UTRN: variants seen among roughly 807,000 people sequenced by gnomAD.
UTRN encodes utrophin.
A neutral mutation model predicts 463.9 loss-of-function variants in UTRN; 283 were observed. The ratio of observed to expected loss-of-function variants is 0.61; its 90% CI spans 0.55 to 0.67. The LOEUF (loss-of-function observed/expected upper bound fraction) is 0.67, where lower values mean the gene tolerates loss of function less well. Among genes scored for constraint, UTRN ranks in the 30% least tolerant of loss-of-function variants. UTRN has a pLI of 0.00. For missense variants in UTRN, 3,922 were observed against 4,084.3 expected (o/e 0.96, Z 1.08); for synonymous variants, 1,442 against 1,431.5 (o/e 1.01, Z -0.17).
At chr6:144,547,238 T>C (rs534216677) in intron 46 of UTRN, among the ~76,000 whole-genome samples, 6 of 152,256 alleles carry the variant, frequency 3.9e-5, no homozygotes, top group Non-Finnish European at 8.8e-5. Context: ...TGTCTTTAGA[T>C]GATTTTTTAA....
intron 60 of UTRN, among the ~76,000 whole-genome samples, chr6:144,781,543 G>A (rs1288865318): frequency 6.6e-6 from 1 of 152,158 alleles, no homozygotes; most frequent in Non-Finnish European, 1.5e-5. Context: ...AAGATGAGGA[G>A]AGCAGTGTAA....
Position 144,488,826 on chromosome 6 carries a change from G to A in UTRN, c.4126G>A (p.Glu1376Lys). ...GATAGATGCTTTCCAAGTTCCACAGGAAGCTCAGGTATTGCCGTGCATTTG... is the reference window on the plus strand; with the variant it reads ...GATAGATGCTTTCCAAGTTCCACAGAAAGCTCAGGTATTGCCGTGCATTTG... ...DRIDAFQVPQEAQKIQAEISA... is the reference protein window; with the variant it reads ...DRIDAFQVPQKAQKIQAEISA... The change falls in exon 30 of 75, where the codon GAA becomes AAA. Residue 1376 changes from glutamate (E) to lysine (K), a missense_variant. Transcript: ENST00000367545. 1 of 1,594,694 alleles carries A rather than the reference G, an allele frequency of 6.3e-7. No individual in the cohort carries two copies.
chr6:144,391,587 G>A (rs1298104507), intron 2 of UTRN, among the ~76,000 whole-genome samples: 1 of 152,092 alleles, frequency 6.6e-6, no homozygotes, highest in Non-Finnish European at 1.5e-5. Flanking sequence ...TCGCAAGTAG[G>A]CTCGAAAAAC....
intron 2 of UTRN, among the ~76,000 whole-genome samples, chr6:144,314,429 C>T (rs1228482831): frequency 2.6e-5 from 4 of 152,182 alleles, no homozygotes; most frequent in Non-Finnish European, 4.4e-5. Flanking sequence ...GCTCAGACAT[C>T]GTGACAACTT....
intron 2 of UTRN, among the ~76,000 whole-genome samples, chr6:144,401,511 G>A (rs1269983484): frequency 6.6e-6 from 1 of 152,084 alleles, no homozygotes; most frequent in Non-Finnish European, 1.5e-5. Flanking sequence ...CTTGAAATAG[G>A]GATCGTTGCT....
intron 2 of UTRN, chr6:144,330,752 C>A: frequency 1.1e-6 from 1 of 925,016 alleles, no homozygotes; most frequent in Non-Finnish European, 1.3e-6. Context: ...TTGGGCTATT[C>A]ACAGAGGCAG....
chr6:144,491,475 C>T (rs913710696), intron 32 of UTRN, among the ~76,000 whole-genome samples: 3 of 151,816 alleles, frequency 2.0e-5, no homozygotes, highest in Non-Finnish European at 4.4e-5. Context: ...GAATGGATAT[C>T]GTAAAAATTC....
At chr6:144,752,091 G>T in intron 56 of UTRN, 139 bp downstream of exon 56, 1 of 864,706 alleles carries the variant, frequency 1.2e-6, no homozygotes, top group South Asian at 4.1e-5. Context: ...GATGACATCA[G>T]GTATTTGTCT....
At chr6:144,578,916 T>TAA (rs1185270638) in intron 51 of UTRN, among the ~76,000 whole-genome samples, 1 of 151,002 alleles carries the variant, frequency 6.6e-6, no homozygotes, top group Non-Finnish European at 1.5e-5. Flanking sequence ...TACAGAGTCT[T>TAA]TCTTTGAACT....
chr6:144,651,438 A>G (rs947401408), intron 51 of UTRN, among the ~76,000 whole-genome samples: 2 of 152,214 alleles, frequency 1.3e-5, no homozygotes, highest in African/African-American at 4.8e-5. Context: ...TCCAGGGTCA[A>G]GCAGCTAGAT....
At position 144,829,398 on chromosome 6, in the gene UTRN, T is replaced by C. The variant is rs550897229; in HGVS notation, c.9665+543T>C. ...ACTTTAGAATACTAAAAAGATATTA[T>C]ATACTAAAAAGCTTTCTAGCCAATT... is the stretch of plus-strand genomic sequence containing the variant. On this transcript the variant is annotated intron_variant, in intron 69 of 74. Coordinates refer to ENST00000367545, the MANE Select transcript of UTRN (RefSeq NM_007124.3). Among the ~76,000 whole-genome samples, 122 of 152,304 alleles carry C rather than the reference T, an allele frequency of 8.0e-4. 1 individual carries two copies. The highest frequency in any genetic ancestry group is 2.7e-3 in the African/African-American group (111 of 41,590).
rs756974376 is a variant in UTRN at position 144,557,342 on chromosome 6, T to C, written c.7289+31T>C. ...TCTAAGGCCCTGGCAGGTAAATGTA[T>C]ATTGTCAAGTTGAGAATTTGATGGC... On this transcript the variant is annotated intron_variant, in intron 50 of 74. Coordinates refer to ENST00000367545, the MANE Select transcript of UTRN (RefSeq NM_007124.3). The C allele has an allele frequency of 5.0e-6, 8 of 1,587,640 alleles. No homozygotes were observed. In the South Asian group the frequency reaches 8.0e-5, roughly 16 times the overall value.
intron 41 of UTRN, 21 bp downstream of exon 41, chr6:144,523,209 T>C (rs902285382): frequency 4.7e-6 from 7 of 1,490,630 alleles, no homozygotes; most frequent in Non-Finnish European, 3.6e-6. Context: ...ATGAAATTAA[T>C]ATTTAATTTA....
intron 35 of UTRN, among the ~76,000 whole-genome samples, chr6:144,512,257 T>G (rs1275837082): frequency 3.9e-5 from 6 of 152,152 alleles, no homozygotes; most frequent in African/African-American, 1.4e-4. Context: ...ATATTAATTT[T>G]TAATTACTAG....
chr6:144,307,446 A>G (rs1171173032), intron 2 of UTRN, among the ~76,000 whole-genome samples: 1 of 152,262 alleles, frequency 6.6e-6, no homozygotes, highest in Non-Finnish European at 1.5e-5. Flanking sequence ...AAGGAGACCT[A>G]TGACTTAATG....
At chr6:144,521,247 CT>C (rs747807889) in intron 39 of UTRN, among the ~76,000 whole-genome samples, 2 of 152,062 alleles carry the variant, frequency 1.3e-5, no homozygotes, top group Non-Finnish European at 2.9e-5. Flanking sequence ...GATCACAGCA[CT>C]GCACTCCAGC....
chr6:144,431,013 A>G (rs987023352), intron 9 of UTRN, among the ~76,000 whole-genome samples: 4 of 152,308 alleles, frequency 2.6e-5, no homozygotes, highest in Non-Finnish European at 5.9e-5. Context: ...TGAATATCAA[A>G]TGATGCTGAG....
At chr6:144,521,948 TATATA>T (rs1562520454) in intron 39 of UTRN, 27 bp from the exon 40 acceptor site, 1 of 1,214,960 alleles carries the variant, frequency 8.2e-7, no homozygotes, top group Non-Finnish European at 1.1e-6. Context: ...TATATATATA[TATATA>T]TATTTTTTTT....
intron 43 of UTRN, among the ~76,000 whole-genome samples, chr6:144,534,418 G>A (rs1204262618): frequency 2.6e-5 from 4 of 152,144 alleles, no homozygotes; most frequent in African/African-American, 9.7e-5. Context: ...ATATTATGCT[G>A]TACGAACTTG....
Sources: allele counts gnomAD v4.1 joint callset (sites outside exome capture counted in the v4.1 genomes callset), GRCh38; gene constraint gnomAD v4.1.1; transcripts MANE v1.5; gene names NCBI Gene and HGNC (gene_info 2026-07-23, HGNC 2026-07-21).